LCOR: variants seen among roughly 807,000 people sequenced by gnomAD.
LCOR encodes ligand-dependent corepressor.
LCOR carries 14 observed loss-of-function variants against 64.4 expected under a neutral mutation model. The observed-to-expected ratio is 0.22, with a 90% CI of 0.14 to 0.34. LCOR has a LOEUF of 0.34. Among genes scored for constraint, LCOR ranks in the 10% least tolerant of loss-of-function variants. The pLI, the probability that LCOR is intolerant of heterozygous loss-of-function variation, is 1.00. For missense variants in LCOR, 1,686 were observed against 1,765.3 expected (o/e 0.96, Z 0.80); for synonymous variants, 643 against 642.5 (o/e 1.00, Z -0.01).
intron 2 of LCOR, among the ~76,000 whole-genome samples, chr10:96,856,852 CAA>C (rs777700896): frequency 1.3e-4 from 14 of 111,898 alleles, no homozygotes; most frequent in Admixed American, 1.8e-4. Context: ...GTAGACAATG[CAA>C]AAAAAAAAAA....
At chr10:96,961,099 A>C (rs1847872432) in intron 7 of LCOR, 1 of 152,144 alleles carries the variant, frequency 6.6e-6, no homozygotes, top group Non-Finnish European at 1.5e-5. Flanking sequence ...GAGGCTAAAA[A>C]TTCTGCCCTA....
At chr10:96,921,811 G>A (rs1847086474) in intron 4 of LCOR, among the ~76,000 whole-genome samples, 1 of 152,192 alleles carries the variant, frequency 6.6e-6, no homozygotes, top group Admixed American at 6.5e-5. Flanking sequence ...AACACCAGTT[G>A]CTGAGAAGAA....
chr10:96,881,909 C>T (rs1232358289), intron 2 of LCOR, among the ~76,000 whole-genome samples: 3 of 152,144 alleles, frequency 2.0e-5, no homozygotes, highest in East Asian at 3.8e-4. Flanking sequence ...CACTATTTCT[C>T]TTAGTCTGTC....
intron 7 of LCOR, among the ~76,000 whole-genome samples, chr10:96,975,393 A>G (rs1848029956): frequency 6.6e-6 from 1 of 152,062 alleles, no homozygotes; most frequent in African/African-American, 2.4e-5. Context: ...CATCATGCCT[A>G]TGTGTCTAGT....
chr10:96,863,609 G>A (rs1019840484), intron 2 of LCOR, among the ~76,000 whole-genome samples: 1 of 152,202 alleles, frequency 6.6e-6, no homozygotes, highest in African/African-American at 2.4e-5. Flanking sequence ...GAAGTGTGTG[G>A]ATTGGGATAG....
At position 96,845,449 on chromosome 10, in the gene LCOR, C is replaced by CTTTTTTT. The variant is rs762639752; in HGVS notation, c.-330+12001_-330+12007dup. ...TTTGCCTCTTATAAATGGGCTTATC[C>CTTTTTTT]TTTTTTTTTTTTTTTTTTTTTTTTT... On this transcript the variant is annotated intron_variant, in intron 2 of 7. Coordinates refer to ENST00000421806, the MANE Select transcript of LCOR (RefSeq NM_001346516.2). 1.4e-3 allele frequency among the ~76,000 whole-genome samples: 66 copies of CTTTTTTT among 48,682 alleles called. 23 individuals carry two copies. Among genetic ancestry groups the CTTTTTTT allele is most frequent in the South Asian group, 2.8e-3 (3 of 1,082 alleles). 31.9% of individuals were successfully genotyped at this position (48,682 alleles called of 152,430 possible).
chr10:96,947,148 CTG>C (rs1485874875), intron 5 of LCOR, among the ~76,000 whole-genome samples: 2 of 152,030 alleles, frequency 1.3e-5, no homozygotes, highest in African/African-American at 4.8e-5. Flanking sequence ...TTTTCAGTAA[CTG>C]TAGCAACTTC....
Position 96,948,195 on chromosome 10 carries a change from T to A in LCOR, c.-50-813T>A, listed in dbSNP as rs371736521. Among the ~76,000 whole-genome samples, 3 of 152,238 alleles carry A rather than the reference T, an allele frequency of 2.0e-5. No individual in the cohort carries two copies. The South Asian group carries it at 6.2e-4, about 31-fold the overall frequency. On this transcript the variant is annotated intron_variant, in intron 5 of 7. Coordinates refer to ENST00000421806, the MANE Select transcript of LCOR (RefSeq NM_001346516.2). ...TTTAAACTTAACATTGACTAGAAATTGATAATTTAGATGTTTATTTCATTA... is the reference window on the plus strand; with the variant it reads ...TTTAAACTTAACATTGACTAGAAATAGATAATTTAGATGTTTATTTCATTA...
At position 96,973,056 on chromosome 10, in the gene LCOR, T is replaced by C. The variant is rs182834996; in HGVS notation, c.333-7737T>C. 9.0e-4 allele frequency among the ~76,000 whole-genome samples: 137 copies of C among 152,286 alleles called. 1 individual carries two copies. The highest frequency in any genetic ancestry group is 2.3e-3 in the Admixed American group (35 of 15,292). On this transcript the variant is annotated intron_variant, in intron 7 of 7. Coordinates refer to ENST00000421806, the MANE Select transcript of LCOR (RefSeq NM_001346516.2). ...CACCATTCTCCATGATTCTGATCTCTGGGAAAGGGGATAATTTAACCCCAA... is the reference window on the plus strand; with the variant it reads ...CACCATTCTCCATGATTCTGATCTCCGGGAAAGGGGATAATTTAACCCCAA...
At chr10:96,952,538 T>C (rs1331712422) in intron 7 of LCOR, among the ~76,000 whole-genome samples, 1 of 150,942 alleles carries the variant, frequency 6.6e-6, no homozygotes, top group Non-Finnish European at 1.5e-5. Context: ...AAAATTGAAC[T>C]CCAATACTTG....
At chr10:96,923,917 A>C (rs952197437) in intron 4 of LCOR, among the ~76,000 whole-genome samples, 1 of 152,208 alleles carries the variant, frequency 6.6e-6, no homozygotes, top group African/African-American at 2.4e-5. Flanking sequence ...CAGAGACTCT[A>C]TCTGGCCTGT....
intron 2 of LCOR, among the ~76,000 whole-genome samples, chr10:96,890,133 C>T (rs372883683): frequency 5.9e-5 from 9 of 152,084 alleles, no homozygotes; most frequent in East Asian, 1.9e-4. Flanking sequence ...GATGGAGTCT[C>T]GCTGTGTCGC....
intron 4 of LCOR, among the ~76,000 whole-genome samples, 160 bp from the exon 5 acceptor site, chr10:96,943,953 G>T (rs1391500832): frequency 1.3e-5 from 2 of 152,030 alleles, no homozygotes; most frequent in Non-Finnish European, 2.9e-5. Flanking sequence ...CATTTATTTT[G>T]CTTGTATACT....
intron 2 of LCOR, among the ~76,000 whole-genome samples, chr10:96,871,818 T>C (rs1846076920): frequency 6.7e-6 from 1 of 149,236 alleles, no homozygotes; most frequent in Non-Finnish European, 1.5e-5. Flanking sequence ...TGTTGAACCA[T>C]GATATTGTAG....
At chr10:96,865,673 G>A (rs1291864265) in intron 2 of LCOR, among the ~76,000 whole-genome samples, 3 of 152,100 alleles carry the variant, frequency 2.0e-5, no homozygotes, top group South Asian at 2.1e-4. Flanking sequence ...TCAGGAGTTC[G>A]AGACCAGCCT....
intron 7 of LCOR, chr10:96,958,040 A>AG (rs1168355362): frequency 5.9e-5 from 60 of 1,021,826 alleles, no homozygotes; most frequent in Non-Finnish European, 6.9e-5. Context: ...CTGAAAGCAA[A>AG]GGGCTAAGCT....
intron 4 of LCOR, among the ~76,000 whole-genome samples, chr10:96,911,459 TAAAG>T (rs769175590): frequency 1.3e-4 from 20 of 152,230 alleles, no homozygotes; most frequent in Middle Eastern, 3.4e-3. Flanking sequence ...GTTTTATAAA[TAAAG>T]AAAAGGAAAG....
At chr10:96,875,043 A>G (rs1436525061) in intron 2 of LCOR, among the ~76,000 whole-genome samples, 1 of 142,372 alleles carries the variant, frequency 7.0e-6, no homozygotes, top group South Asian at 2.2e-4. Flanking sequence ...CTCCACCCCC[A>G]CCCCTTAAAA....
intron 1 of LCOR, 47 bp from the exon 2 acceptor site, chr10:96,833,359 A>G (rs2134353302): frequency 5.1e-6 from 5 of 979,050 alleles, no homozygotes; most frequent in Non-Finnish European, 6.1e-6. Context: ...CGGGCGGCCG[A>G]GCTGCGCCTC....
Sources: allele counts gnomAD v4.1 joint callset (sites outside exome capture counted in the v4.1 genomes callset), GRCh38; gene constraint gnomAD v4.1.1; transcripts MANE v1.5; gene names NCBI Gene and HGNC (gene_info 2026-07-23, HGNC 2026-07-21).